ASXL2: variants seen among roughly 807,000 people sequenced by gnomAD.
ASXL2 encodes ASXL transcriptional regulator 2.
ASXL2 carries 23 observed loss-of-function variants against 122.0 expected under a neutral mutation model. The ratio of observed to expected loss-of-function variants is 0.19; its 90% CI spans 0.14 to 0.27. The LOEUF is 0.27. Ranked by LOEUF, ASXL2 falls within the 10% of genes least tolerant of loss-of-function variation. ASXL2 has a pLI of 1.00. For synonymous variants in ASXL2, 650 were observed against 637.0 expected (o/e 1.02, Z -0.31); for missense variants, 1,518 against 1,713.8 (o/e 0.89, Z 2.02).
intron 1 of ASXL2, among the ~76,000 whole-genome samples, chr2:25,877,191 G>A (rs905422017): frequency 5.9e-5 from 9 of 152,050 alleles, no homozygotes; most frequent in South Asian, 4.2e-4. Flanking sequence ...CCATTAAAGG[G>A]GTGAACACCT....
intron 12 of ASXL2, among the ~76,000 whole-genome samples, chr2:25,748,735 CA>C (rs2087985231): frequency 6.6e-6 from 1 of 152,154 alleles, no homozygotes; most frequent in Non-Finnish European, 1.5e-5. Context: ...GAATGAACTG[CA>C]AGCTGATATT....
In ASXL2 at chr2:25,750,265, A is replaced by G. The variant is rs2088022508; in HGVS notation, c.1291T>C (p.Cys431Arg). 6.2e-7 allele frequency: 1 copy of G among 1,613,846 alleles called. No homozygotes were observed. Among genetic ancestry groups the G allele is most frequent in the East Asian group, 2.2e-5 (1 of 44,880 alleles). Reference sequence around the variant, plus strand: ...GACATTTGCAATGCTTCTTCTTTACACTCTGACTGGGAGACTACTGGAACT... The same window carrying G: ...GACATTTGCAATGCTTCTTCTTTACGCTCTGACTGGGAGACTACTGGAACT... ...RIVPVVSQSECKEEALQMSSP... is the reference protein window; with the variant it reads ...RIVPVVSQSERKEEALQMSSP... The change falls in exon 12 of 13, where the codon TGT becomes CGT. Residue 431 changes from cysteine (C) to arginine (R), a missense_variant. Transcript: ENST00000435504.
At chr2:25,805,167 T>C (rs1559516226) in intron 4 of ASXL2, among the ~76,000 whole-genome samples, 1 of 152,238 alleles carries the variant, frequency 6.6e-6, no homozygotes. Context: ...TGGGCAACAC[T>C]GGGCAAGAAA....
At chr2:25,768,488 G>A (rs921876339) in intron 7 of ASXL2, among the ~76,000 whole-genome samples, 6 of 152,072 alleles carry the variant, frequency 3.9e-5, no homozygotes, top group Admixed American at 3.9e-4. Context: ...TGTTGTTGTT[G>A]AGACAGGGTC....
At chr2:25,755,630 C>T (rs1394771703) in intron 10 of ASXL2, among the ~76,000 whole-genome samples, 1 of 152,198 alleles carries the variant, frequency 6.6e-6, no homozygotes, top group Non-Finnish European at 1.5e-5. Flanking sequence ...CAGATTATCT[C>T]ACTGCTTACC....
chr2:25,878,448 T>C lies in ASXL2; in HGVS notation c.-226A>G, dbSNP rs2149206896. On this transcript the variant is annotated 5_prime_UTR_variant, in exon 1 of 13. In the 5' UTR this introduces an upstream ATG that the reference lacks. Coordinates refer to ENST00000435504, the MANE Select transcript of ASXL2 (RefSeq NM_018263.6). ...GTTGCCACTGCTACCGCCGCTGCCA[T>C]ATTGGGTTCTTACTGTACAGGCTGC... is the stretch of plus-strand genomic sequence containing the variant. 3.4e-6 allele frequency: 2 copies of C among 588,464 alleles called. No homozygotes were observed. Among genetic ancestry groups the C allele is most frequent in the Non-Finnish European group, 6.0e-6 (2 of 330,786 alleles). 36.5% of individuals were successfully genotyped at this position (588,464 alleles called of 1,614,324 possible). A position where few individuals can be genotyped will look rare whatever the true frequency, so the allele number is the denominator to read the frequency against.
intron 12 of ASXL2, among the ~76,000 whole-genome samples, chr2:25,745,663 T>G (rs1482631055): frequency 3.0e-4 from 29 of 97,138 alleles, no homozygotes; most frequent in African/African-American, 1.1e-3. Flanking sequence ...TTTTTTTTTT[T>G]GAGACAGTCT....
In ASXL2 at chr2:25,738,911, C is replaced by G. The variant is rs1272547776; in HGVS notation, c.*3118G>C. ...GAAATACCACAGATAGCTTCAGTAT[C>G]TTGAGCATAGGGGTTATGGAACAAG... On this transcript the variant is annotated 3_prime_UTR_variant, in exon 13 of 13. Transcript: ENST00000435504. The G allele has an allele frequency of 1.3e-5, 2 of 152,134 alleles. No individual in the cohort carries two copies. The highest frequency in any genetic ancestry group is 2.9e-5 in the Non-Finnish European group (2 of 68,026). 9.4% of individuals were successfully genotyped at this position (152,134 alleles called of 1,614,324 possible).
At chr2:25,828,962 ATG>A (rs1334222107) in intron 3 of ASXL2, among the ~76,000 whole-genome samples, 1 of 151,730 alleles carries the variant, frequency 6.6e-6, no homozygotes, top group Non-Finnish European at 1.5e-5. Context: ...CACTGATTTT[ATG>A]TGTTTATCTA....
intron 5 of ASXL2, among the ~76,000 whole-genome samples, chr2:25,773,622 C>A (rs1306923435): frequency 6.7e-6 from 1 of 149,348 alleles, no homozygotes; most frequent in Non-Finnish European, 1.5e-5. Context: ...GCCGAGATTA[C>A]GCCACTGCAC....
intron 3 of ASXL2, among the ~76,000 whole-genome samples, chr2:25,827,235 C>T (rs1490647587): frequency 2.6e-5 from 4 of 152,066 alleles, no homozygotes; most frequent in African/African-American, 9.7e-5. Flanking sequence ...TAAACACACA[C>T]CCACAATCAT....
intron 3 of ASXL2, among the ~76,000 whole-genome samples, chr2:25,828,824 CAAAAAAAAAAA>C (rs1031358836): frequency 4.0e-5 from 2 of 50,140 alleles, no homozygotes; most frequent in African/African-American, 1.7e-4. Flanking sequence ...GACTGTGTCT[CAAAAAAAAAAA>C]AAAAAAAAAA....
rs1237013977 is a variant in ASXL2 at position 25,842,723 on chromosome 2, G to GATAT, written c.140+2757_140+2758insATAT. On this transcript the variant is annotated intron_variant, in intron 2 of 12. Coordinates refer to ENST00000435504, the MANE Select transcript of ASXL2 (RefSeq NM_018263.6). ...ATATATATAGATAGATAGATAGATA[G>GATAT]ATGTATATATCTATATATATGTATG... Among the ~76,000 whole-genome samples the GATAT allele has an allele frequency of 3.3e-5, 5 of 150,594 alleles. No homozygotes were observed. The South Asian group carries it at 8.4e-4, about 25-fold the overall frequency.
intron 5 of ASXL2, among the ~76,000 whole-genome samples, chr2:25,798,581 T>C (rs1303776883): frequency 2.6e-5 from 4 of 152,064 alleles, no homozygotes; most frequent in African/African-American, 7.2e-5. Flanking sequence ...CTGACCAACA[T>C]GGTGAAACCC....
chr2:25,863,030 C>T (rs2089857778), intron 1 of ASXL2, among the ~76,000 whole-genome samples: 1 of 152,040 alleles, frequency 6.6e-6, no homozygotes, highest in Non-Finnish European at 1.5e-5. Context: ...TTTTAAAATG[C>T]AAACTAAAGC....
chr2:25,759,980 T>C (rs902098746), intron 8 of ASXL2, among the ~76,000 whole-genome samples: 1 of 152,178 alleles, frequency 6.6e-6, no homozygotes, highest in Admixed American at 6.5e-5. Context: ...TGATAAATGA[T>C]ATGAAGAATG....
chr2:25,817,875 T>C (rs564092291), intron 3 of ASXL2, among the ~76,000 whole-genome samples: 1 of 152,274 alleles, frequency 6.6e-6, no homozygotes, highest in Admixed American at 6.5e-5. Flanking sequence ...GGGATGCCTA[T>C]ACATAACATT....
chr2:25,783,030 G>A (rs1356950353), intron 5 of ASXL2, among the ~76,000 whole-genome samples: 1 of 152,154 alleles, frequency 6.6e-6, no homozygotes, highest in Admixed American at 6.5e-5. Context: ...TCGGCAGGCT[G>A]AGGCAGGAGA....
intron 2 of ASXL2, among the ~76,000 whole-genome samples, chr2:25,836,835 A>T (rs755184730): frequency 6.6e-6 from 1 of 152,212 alleles, no homozygotes; most frequent in Non-Finnish European, 1.5e-5. Context: ...GAATGGTCTA[A>T]TTCATAAAAT....
Sources: allele counts gnomAD v4.1 joint callset (sites outside exome capture counted in the v4.1 genomes callset), GRCh38; gene constraint gnomAD v4.1.1; transcripts MANE v1.5; gene names NCBI Gene and HGNC (gene_info 2026-07-23, HGNC 2026-07-21).